The following CNTNAP2 variants were observed in gnomAD, a reference collection of about 807,000 sequenced individuals.
CNTNAP2 encodes the protein contactin-associated protein-like 2.
CNTNAP2 carries 98 observed loss-of-function variants against 155.2 expected under a neutral mutation model. The observed-to-expected ratio is 0.63, with a 90% confidence interval of 0.54 to 0.75. CNTNAP2 has a LOEUF of 0.75. CNTNAP2 is among the 30% of genes least tolerant of loss of function. The pLI is 0.00. For synonymous variants in CNTNAP2, 651 were observed against 631.2 expected, an observed-to-expected ratio of 1.03 and a Z score of -0.47; for missense variants, 1,727 against 1,688.1, an observed-to-expected ratio of 1.02 and a Z score of -0.40.
At chr7:148,212,395 T>C (rs1393442041) in intron 18 of CNTNAP2, among the ~76,000 whole-genome samples, 7 of 152,192 alleles carry the variant, frequency 4.6e-5, no homozygotes. Context: ...CATAATGTAT[T>C]TCAAAACTTT....
At chr7:146,493,628 G>C (rs1440137187) in intron 1 of CNTNAP2, among the ~76,000 whole-genome samples, 1 of 152,046 alleles carries the variant, frequency 6.6e-6, no homozygotes, top group Non-Finnish European at 1.5e-5. Flanking sequence ...TCAATAAAGA[G>C]CAAGAATTAT....
In CNTNAP2 at chr7:146,307,494, G is replaced by T. The variant is rs550120126; in HGVS notation, c.97+190521G>T. Reference sequence around the variant, plus strand: ...GAAAAAACTACTTTAAAGTTCATATGGAACCAAAAAAGAGTCAGCATTGCC... The same window carrying T: ...GAAAAAACTACTTTAAAGTTCATATTGAACCAAAAAAGAGTCAGCATTGCC... On this transcript the variant is annotated intron_variant, in intron 1 of 23. Transcript: ENST00000361727. Among the ~76,000 whole-genome samples, 4 of 152,126 alleles carry T rather than the reference G, an allele frequency of 2.6e-5. No individual in the cohort carries two copies. In the East Asian group the frequency reaches 7.7e-4, roughly 29 times the overall value.
At chr7:146,715,589 C>T (rs1017106198) in intron 1 of CNTNAP2, among the ~76,000 whole-genome samples, 14 of 152,196 alleles carry the variant, frequency 9.2e-5, no homozygotes, top group Admixed American at 5.9e-4. Context: ...ACTAGATTCA[C>T]GTCCATTTGG....
At chr7:148,156,897 G>A (rs1302594842) in intron 17 of CNTNAP2, among the ~76,000 whole-genome samples, 1 of 152,090 alleles carries the variant, frequency 6.6e-6, no homozygotes, top group Non-Finnish European at 1.5e-5. Context: ...TAAGCCCTGT[G>A]AGTCTACCTC....
At chr7:146,979,277 T>C (rs1797970745) in intron 3 of CNTNAP2, among the ~76,000 whole-genome samples, 1 of 152,164 alleles carries the variant, frequency 6.6e-6, no homozygotes, top group Admixed American at 6.6e-5. Context: ...TCTTATACTG[T>C]GTATGATAGC....
intron 15 of CNTNAP2, among the ~76,000 whole-genome samples, chr7:147,991,448 A>G (rs760795057): frequency 2.6e-5 from 4 of 152,210 alleles, no homozygotes; most frequent in Non-Finnish European, 5.9e-5. Flanking sequence ...AAGCACTATC[A>G]CTTGATTTAT....
intron 9 of CNTNAP2, among the ~76,000 whole-genome samples, chr7:147,327,453 A>G (rs186475919): frequency 2.0e-5 from 3 of 152,324 alleles, no homozygotes; most frequent in Admixed American, 6.5e-5. Context: ...CTGAAAAGTA[A>G]TTAAGAAAAG....
chr7:147,854,092 G>A (rs1303793290), intron 13 of CNTNAP2, among the ~76,000 whole-genome samples: 1 of 152,162 alleles, frequency 6.6e-6, no homozygotes, highest in East Asian at 1.9e-4. Context: ...CTGACAGCTT[G>A]TGTGCCTACC....
intron 17 of CNTNAP2, among the ~76,000 whole-genome samples, chr7:148,155,895 G>A (rs772875060): frequency 1.3e-4 from 20 of 152,096 alleles, no homozygotes; most frequent in Admixed American, 2.6e-4. Flanking sequence ...GGAAAGGTGC[G>A]GTGACACTGG....
chr7:148,414,979 C>T (rs540629236), intron 23 of CNTNAP2: 10 of 281,058 alleles, frequency 3.6e-5, no homozygotes, highest in Admixed American at 1.4e-4. Flanking sequence ...AGCTCTCTCG[C>T]GCGCCCACTC....
At chr7:147,233,399 T>C (rs1002263351) in intron 8 of CNTNAP2, among the ~76,000 whole-genome samples, 2 of 152,208 alleles carry the variant, frequency 1.3e-5, no homozygotes, top group African/African-American at 4.8e-5. Context: ...AAGCCATCTT[T>C]ACTTGCTATT....
At chr7:147,684,872 AT>A (rs1367956712) in intron 13 of CNTNAP2, among the ~76,000 whole-genome samples, 2 of 151,650 alleles carry the variant, frequency 1.3e-5, no homozygotes, top group Non-Finnish European at 2.9e-5. Flanking sequence ...CTCATATCTT[AT>A]GATTTATCAC....
intron 17 of CNTNAP2, among the ~76,000 whole-genome samples, chr7:148,148,636 A>C (rs1326300454): frequency 6.6e-6 from 1 of 152,268 alleles, no homozygotes; most frequent in Non-Finnish European, 1.5e-5. Context: ...CCTACGTTAC[A>C]GCCTCACTGA....
At chr7:147,120,883 T>C (rs938946870) in intron 5 of CNTNAP2, 96 bp from the exon 6 acceptor site, 44 of 1,114,426 alleles carry the variant, frequency 3.9e-5, no homozygotes, top group Non-Finnish European at 6.0e-5. Context: ...TTTGATGGAA[T>C]GTCAGCCTCT....
At chr7:146,634,719 G>A (rs1385806045) in intron 1 of CNTNAP2, among the ~76,000 whole-genome samples, 1 of 152,144 alleles carries the variant, frequency 6.6e-6, no homozygotes, top group African/African-American at 2.4e-5. Flanking sequence ...GAAAGAATAA[G>A]CAAACAAGAT....
chr7:148,033,704 T>C (rs1802523466), intron 15 of CNTNAP2, among the ~76,000 whole-genome samples: 1 of 152,250 alleles, frequency 6.6e-6, no homozygotes, highest in Non-Finnish European at 1.5e-5. Context: ...TCAGTTTGTT[T>C]TCACTATTAA....
chr7:147,848,893 T>C (rs1798867415), intron 13 of CNTNAP2, among the ~76,000 whole-genome samples: 1 of 152,104 alleles, frequency 6.6e-6, no homozygotes, highest in Non-Finnish European at 1.5e-5. Context: ...TTGGGAGGAA[T>C]TTTAATTTTG....
intron 3 of CNTNAP2, among the ~76,000 whole-genome samples, chr7:146,931,938 A>G (rs948661535): frequency 6.6e-6 from 1 of 152,014 alleles, no homozygotes; most frequent in African/African-American, 2.4e-5. Flanking sequence ...AATTGTGGCA[A>G]TAATCAATAG....
At chr7:146,233,574 C>A (rs934218412) in intron 1 of CNTNAP2, among the ~76,000 whole-genome samples, 1 of 152,070 alleles carries the variant, frequency 6.6e-6, no homozygotes, top group Non-Finnish European at 1.5e-5. Flanking sequence ...ATTAACTCGT[C>A]ATTTAGCATT....
Sources: gnomAD v4.1 joint callset for allele counts (sites outside exome capture counted in the v4.1 genomes callset) on GRCh38, gnomAD v4.1.1 for gene constraint, MANE v1.5 for transcripts, NCBI Gene and HGNC (gene_info 2026-07-23, HGNC 2026-07-21) for gene names.